Variants in ADAMTS13 observed in about 807,000 individuals in gnomAD.
ADAMTS13 encodes ADAM metallopeptidase with thrombospondin type 1 motif 13.
ADAMTS13 carries 110 observed loss-of-function variants against 155.1 expected under a neutral mutation model. That is an observed-to-expected ratio of 0.71 (90% CI 0.61 to 0.83). The LOEUF is 0.83. ADAMTS13 is among the 40% of genes least tolerant of loss of function. ADAMTS13 has a pLI of 0.00. For synonymous variants in ADAMTS13, 758 were observed against 756.4 expected, an observed-to-expected ratio of 1.00 and a Z score of -0.03; for missense variants, 1,707 against 1,891.7, an observed-to-expected ratio of 0.90 and a Z score of 1.81.
intron 11 of ADAMTS13, among the ~76,000 whole-genome samples, chr9:133,435,974 CTTCTT>C (rs1841174839): frequency 6.8e-6 from 1 of 146,344 alleles, no homozygotes; most frequent in South Asian, 2.2e-4. Context: ...TTTCTTTTCT[CTTCTT>C]TTTTTTTTTT....
chr9:133,438,432 G>C (rs587600769), intron 14 of ADAMTS13, 66 bp downstream of exon 14: 1 of 1,602,612 alleles, frequency 6.2e-7, no homozygotes, highest in African/African-American at 1.3e-5. Flanking sequence ...ACAGCCCAGA[G>C]CGTTGGTGCA....
chr9:133,450,431 G>A (rs1039727605), intron 23 of ADAMTS13, among the ~76,000 whole-genome samples: 5 of 152,072 alleles, frequency 3.3e-5, no homozygotes, highest in Admixed American at 3.3e-4. Context: ...AGCCGGGTGT[G>A]GTGGTACATG....
At chr9:133,448,777 G>C in intron 22 of ADAMTS13, 49 bp downstream of exon 22, 1 of 1,585,396 alleles carries the variant, frequency 6.3e-7, no homozygotes, top group Non-Finnish European at 8.5e-7. Context: ...CTGTAAGTGG[G>C]AGACCCGAGC....
At chr9:133,436,801 TC>T in intron 11 of ADAMTS13, 27 bp from the exon 12 acceptor site, 2 of 624,086 alleles carry the variant, frequency 3.2e-6, no homozygotes, top group Non-Finnish European at 4.8e-6. Flanking sequence ...CCCACCGCCA[TC>T]CCCCTCCTCT....
rs782325689 is a variant in ADAMTS13, at chr9:133,445,639, G to A, written c.2611-60G>A. 1.6e-4 allele frequency: 253 copies of A among 1,611,136 alleles called. No individual in the cohort carries two copies. Among genetic ancestry groups the A allele is most frequent in the Non-Finnish European group, 2.1e-4 (244 of 1,179,562 alleles). ...TGCTGCTGCCTGAGAAGATCGAGACGGGGATCGCTGGGTCCTCAGAGGAGG... is the reference window on the plus strand; with the variant it reads ...TGCTGCTGCCTGAGAAGATCGAGACAGGGATCGCTGGGTCCTCAGAGGAGG... On this transcript the variant is annotated intron_variant, in intron 20 of 28. Coordinates refer to ENST00000355699, the MANE Select transcript of ADAMTS13 (RefSeq NM_139027.6). The surrounding 1 kb of genome is among the most constrained non-coding windows in gnomAD (Gnocchi z 5.0).
At chr9:133,449,310 A>G (rs939248722) in intron 22 of ADAMTS13, among the ~76,000 whole-genome samples, 15 of 151,952 alleles carry the variant, frequency 9.9e-5, no homozygotes, top group Admixed American at 4.6e-4. Flanking sequence ...AGGCAGACAA[A>G]TGTCCCTGAC....
upstream of ADAMTS13, among the ~76,000 whole-genome samples, chr9:133,420,197 C>T (rs587731005): frequency 3.3e-5 from 5 of 152,312 alleles, no homozygotes; most frequent in East Asian, 7.7e-4. Context: ...AGCCACCGCA[C>T]CTAGCCTAAT....
At chr9:133,435,742 C>T (rs926066093) in intron 11 of ADAMTS13, among the ~76,000 whole-genome samples, 18 of 151,826 alleles carry the variant, frequency 1.2e-4, no homozygotes, top group African/African-American at 3.4e-4. Context: ...CCATGTTAGC[C>T]GGGATGGTCT....
At chr9:133,415,315 A>G (rs1564398178) in intron 1 of ADAMTS13, among the ~76,000 whole-genome samples, 1 of 152,138 alleles carries the variant, frequency 6.6e-6, no homozygotes, top group African/African-American at 2.4e-5. Flanking sequence ...GAGTGGCTGG[A>G]CACCACAGAC....
At position 133,430,012 on chromosome 9, in the gene ADAMTS13, C is replaced by T; in HGVS notation, c.898C>T (p.Gln300Ter). The change falls in exon 8 of 29, where the codon CAG (glutamine) becomes TAG (stop). Residue 300 changes from glutamine to a stop codon, truncating the protein, a stop_gained. Transcript: ENST00000355699. LOFTEE classifies it high-confidence loss of function. ...PGSAGHPPDA[Q>*]PGLYYSANEQ... ...GTCCGCGGGGCACCCGCCGGATGCGCAGCCTGGCCTCTACTACAGCGCCAA... is the reference window on the plus strand; with the variant it reads ...GTCCGCGGGGCACCCGCCGGATGCGTAGCCTGGCCTCTACTACAGCGCCAA... The T allele has an allele frequency of 3.2e-6, 5 of 1,582,762 alleles. No homozygotes were observed. Among genetic ancestry groups the T allele is most frequent in the Non-Finnish European group, 4.3e-6 (5 of 1,169,726 alleles).
chr9:133,417,880 C>T (rs782780577), upstream of ADAMTS13: 1 of 1,585,674 alleles, frequency 6.3e-7, no homozygotes, highest in South Asian at 1.1e-5. Flanking sequence ...GGCGGCCACC[C>T]GAGACCCCGG....
chr9:133,442,704 C>T lies in ADAMTS13; in HGVS notation c.2195C>T (p.Ala732Val), dbSNP rs41314453. The T allele has an allele frequency of 0.014, 22,127 of 1,613,072 alleles. 165 individuals are homozygous for T. Among genetic ancestry groups the T allele is most frequent in the Non-Finnish European group, 0.017 (19,757 of 1,179,992 alleles). The stretch of plus-strand genomic sequence containing the variant: ...TGCCAAGGGAGCCAGCAGCCACCAG[C>T]GTGGCCAGAGGCCTGCGTGCTCGAA... ...VQCQGSQQPP[A>V]WPEACVLEPC... The change falls in exon 18 of 29, where the codon GCG (alanine) becomes GTG (valine). Residue 732 changes from alanine (A) to valine (V), a missense_variant. By Grantham distance (64) the Ala-to-Val change is moderately conservative. This residue lies in a region of ADAMTS13 where 961 missense variants were observed against 1,107.9 expected (regional missense o/e 0.87). Coordinates refer to ENST00000355699, the MANE Select transcript of ADAMTS13 (RefSeq NM_139027.6).
At chr9:133,451,293 T>A (rs980706574) in intron 23 of ADAMTS13, among the ~76,000 whole-genome samples, 1 of 152,158 alleles carries the variant, frequency 6.6e-6, no homozygotes, top group Non-Finnish European at 1.5e-5. Flanking sequence ...TGAGACGGAG[T>A]CTCGCTTTGT....
intron 11 of ADAMTS13, 63 bp downstream of exon 11, chr9:133,433,767 G>A (rs1840969890): frequency 1.3e-6 from 2 of 1,577,116 alleles, no homozygotes; most frequent in African/African-American, 2.7e-5. Flanking sequence ...GGGAGCCAAA[G>A]TGACCATCTG....
chr9:133,417,402 G>C (rs587623131), upstream of ADAMTS13, among the ~76,000 whole-genome samples: 1 of 152,370 alleles, frequency 6.6e-6, no homozygotes, highest in Admixed American at 6.5e-5. Context: ...GTTTATCTTT[G>C]CTTTTTTGTA....
chr9:133,432,756 G>T, intron 9 of ADAMTS13, 64 bp downstream of exon 9: 1 of 1,478,876 alleles, frequency 6.8e-7, no homozygotes, highest in South Asian at 1.2e-5. Flanking sequence ...CTCCAGCCAG[G>T]CCGCCCTATT....
upstream of ADAMTS13, chr9:133,422,303 G>T: frequency 1.2e-6 from 1 of 820,002 alleles, no homozygotes; most frequent in Non-Finnish European, 2.0e-6. Context: ...CCCTGCCCTG[G>T]CAGGAAGCTT....
chr9:133,451,953 AT>A (rs1842460039), intron 23 of ADAMTS13, among the ~76,000 whole-genome samples: 1 of 146,632 alleles, frequency 6.8e-6, no homozygotes, highest in South Asian at 2.2e-4. Flanking sequence ...CTAATCTGTG[AT>A]TTATTTGGAG....
intron 1 of ADAMTS13, among the ~76,000 whole-genome samples, chr9:133,416,935 A>T (rs1459471847): frequency 6.6e-6 from 1 of 152,104 alleles, no homozygotes. Context: ...GAACCCCATC[A>T]CATGTCTGCT....
Sources: allele counts gnomAD v4.1 joint callset (sites outside exome capture counted in the v4.1 genomes callset), GRCh38; gene constraint gnomAD v4.1.1; regional missense constraint gnomAD v4.1.1; non-coding constraint Gnocchi (gnomAD v3.1); transcripts MANE v1.5; gene names NCBI Gene and HGNC (gene_info 2026-07-23, HGNC 2026-07-21).